DZIP3: variants seen among roughly 807,000 people sequenced by gnomAD.
DZIP3 encodes E3 ubiquitin-protein ligase DZIP3.
A neutral mutation model predicts 162.0 loss-of-function variants in DZIP3; 118 were observed. The observed-to-expected ratio is 0.73, with a 90% confidence interval of 0.63 to 0.85. DZIP3 has a LOEUF of 0.85. DZIP3 is among the 40% of genes least tolerant of loss of function. The pLI is 0.00. For synonymous variants in DZIP3, 438 were observed against 458.6 expected (o/e 0.96, Z 0.57); for missense variants, 1,331 against 1,407.0 (o/e 0.95, Z 0.86).
chr3:108,610,124 T>C (rs977784440), intron 3 of DZIP3, among the ~76,000 whole-genome samples: 8 of 152,178 alleles, frequency 5.3e-5, no homozygotes, highest in Admixed American at 5.2e-4. Context: ...TCATAGAGAG[T>C]TAGTAAACGG....
chr3:108,672,516 T>C, intron 22 of DZIP3, 44 bp from the exon 23 acceptor site: 1 of 1,489,766 alleles, frequency 6.7e-7, no homozygotes. Flanking sequence ...AAAAAGGCTC[T>C]GCTTGATGTA....
chr3:108,622,270 T>C (rs965775150), intron 5 of DZIP3, among the ~76,000 whole-genome samples: 3 of 152,186 alleles, frequency 2.0e-5, no homozygotes, highest in South Asian at 2.1e-4. Flanking sequence ...GTGAATTCTT[T>C]AGCATGTCAA....
chr3:108,688,001 A>C lies in DZIP3; in HGVS notation c.3175A>C (p.Lys1059Gln), dbSNP rs1944554550. 3 of 1,613,536 alleles carry C rather than the reference A, an allele frequency of 1.9e-6. No homozygotes were observed. Among genetic ancestry groups the C allele is most frequent in the Non-Finnish European group, 1.7e-6 (2 of 1,179,808 alleles). ...AAAGGAACTTACAGATTTCTTACGGAAATTGAAGGATGCTTATGGAAAATC... is the reference window on the plus strand; with the variant it reads ...AAAGGAACTTACAGATTTCTTACGGCAATTGAAGGATGCTTATGGAAAATC... ...TRKELTDFLR[K>Q]LKDAYGKSLS... is the part of the protein sequence containing the mutation. Residue 1059 changes from lysine (K) to glutamine (Q), a missense_variant, in exon 29 of 33, where the codon AAA (lysine) becomes CAA (glutamine). Transcript: ENST00000361582.
intron 8 of DZIP3, among the ~76,000 whole-genome samples, chr3:108,631,051 ACACACT>A (rs1193832622): frequency 4.8e-5 from 2 of 42,032 alleles, no homozygotes; most frequent in Non-Finnish European, 8.5e-5. Context: ...ACACACACAC[ACACACT>A]CTCTCTCTCT....
chr3:108,589,523 C>T (rs746756637), upstream of DZIP3: 9 of 543,572 alleles, frequency 1.7e-5, no homozygotes, highest in Non-Finnish European at 1.3e-5. Context: ...CCCTAGGCAC[C>T]CTAGGGGACC....
intron 28 of DZIP3, among the ~76,000 whole-genome samples, chr3:108,687,024 A>G (rs1944524275): frequency 6.6e-6 from 1 of 152,162 alleles, no homozygotes; most frequent in African/African-American, 2.4e-5. Context: ...AGAACACACT[A>G]AAAATGCAAG....
chr3:108,685,941 A>G (rs1944483338), intron 27 of DZIP3, among the ~76,000 whole-genome samples: 2 of 152,300 alleles, frequency 1.3e-5, no homozygotes, highest in East Asian at 1.9e-4. Context: ...TGTGCCACAG[A>G]CTTTTTAAAA....
intron 17 of DZIP3, among the ~76,000 whole-genome samples, 195 bp downstream of exon 17, chr3:108,649,157 A>G (rs1426122882): frequency 1.3e-5 from 2 of 151,920 alleles, no homozygotes; most frequent in South Asian, 2.1e-4. Flanking sequence ...ACAATTTCAT[A>G]CTTCACGTCC....
Position 108,608,134 on chromosome 3 carries a change from G to C in DZIP3, c.78G>C (p.Lys26Asn). The C allele has an allele frequency of 6.2e-7, 1 of 1,613,010 alleles. No homozygotes were observed. Among genetic ancestry groups the C allele is most frequent in the African/African-American group, 1.3e-5 (1 of 74,968 alleles). Residue 26 changes from lysine (K) to asparagine (N), a missense_variant, in exon 3 of 33, where the codon AAG becomes AAC. This residue lies in a region of DZIP3 where 1,278 missense variants were observed against 1,317.1 expected (regional missense o/e 0.97). Transcript: ENST00000361582. Reference sequence around the variant, plus strand: ...AGAGGAAGGAAGAAACTGAGAATAAGCTAGAAAAATCATCTGGTCAACTGG... The same window carrying C: ...AGAGGAAGGAAGAAACTGAGAATAACCTAGAAAAATCATCTGGTCAACTGG... ...EDQRKEETEN[K>N]LEKSSGQLNK...
chr3:108,685,839 A>G (rs1340984614), intron 27 of DZIP3, among the ~76,000 whole-genome samples: 1 of 152,240 alleles, frequency 6.6e-6, no homozygotes, highest in Non-Finnish European at 1.5e-5. Context: ...AGAAATAATC[A>G]CTTCTTACGC....
At position 108,672,117 on chromosome 3, in the gene DZIP3, T is replaced by C. The variant is rs567626298; in HGVS notation, c.2493-443T>C. On this transcript the variant is annotated intron_variant, in intron 22 of 32. Coordinates refer to ENST00000361582, the MANE Select transcript of DZIP3 (RefSeq NM_014648.4). ...GCAAGGAAGCTCTCTCAGGCCTTTT[T>C]CAAATGGGCATTAATTCCATTCATT... 1.6e-4 allele frequency among the ~76,000 whole-genome samples: 25 copies of C among 152,056 alleles called. 1 individual carries two copies. The highest frequency in any genetic ancestry group is 1.5e-3 in the Admixed American group (23 of 15,222).
chr3:108,626,016 A>C, intron 7 of DZIP3, 47 bp downstream of exon 7: 1 of 1,591,746 alleles, frequency 6.3e-7, no homozygotes, highest in Non-Finnish European at 8.6e-7. Context: ...AAGTCTCAGC[A>C]TTGTGAAATG....
At chr3:108,672,056 C>T (rs111819503) in intron 22 of DZIP3, among the ~76,000 whole-genome samples, 2,297 of 151,970 alleles carry the variant, frequency 0.015, 72 homozygotes, top group African/African-American at 0.052. Flanking sequence ...CATAGACAGC[C>T]GTCTTCCCAC....
At chr3:108,621,646 T>C (rs1017585127) in intron 5 of DZIP3, among the ~76,000 whole-genome samples, 1 of 152,160 alleles carries the variant, frequency 6.6e-6, no homozygotes, top group Non-Finnish European at 1.5e-5. Flanking sequence ...AGAACCCTCT[T>C]ACACTGTTGG....
chr3:108,659,341 C>T (rs537562461), intron 19 of DZIP3, among the ~76,000 whole-genome samples: 66 of 152,144 alleles, frequency 4.3e-4, no homozygotes, highest in Non-Finnish European at 7.8e-4. Flanking sequence ...GTTCAACATA[C>T]GCAAATCAAT....
chr3:108,690,758 A>AG (rs1273827417), intron 31 of DZIP3, 29 bp from the exon 32 acceptor site: 2 of 1,600,668 alleles, frequency 1.2e-6, no homozygotes, highest in Admixed American at 1.7e-5. Context: ...TACATCTGAG[A>AG]GACTGACATA....
chr3:108,598,145 G>A (rs113725051), intron 1 of DZIP3, among the ~76,000 whole-genome samples: 3 of 152,064 alleles, frequency 2.0e-5, no homozygotes, highest in African/African-American at 7.2e-5. Flanking sequence ...ATGCATATGT[G>A]CATATTATCT....
chr3:108,626,111 T>A, intron 7 of DZIP3, 142 bp downstream of exon 7: 2 of 954,446 alleles, frequency 2.1e-6, no homozygotes, highest in Non-Finnish European at 2.9e-6. Context: ...TTTGTATAGA[T>A]AATTTCTTTA....
intron 24 of DZIP3, 116 bp from the exon 25 acceptor site, chr3:108,675,670 T>C: frequency 1.5e-6 from 1 of 663,702 alleles, no homozygotes; most frequent in Middle Eastern, 3.1e-4. Context: ...TTGTTGGTGA[T>C]GGGGGTAATT....
Sources: allele counts gnomAD v4.1 joint callset (sites outside exome capture counted in the v4.1 genomes callset), GRCh38; gene constraint gnomAD v4.1.1; regional missense constraint gnomAD v4.1.1; transcripts MANE v1.5; gene names NCBI Gene and HGNC (gene_info 2026-07-23, HGNC 2026-07-21).